SCML2: variants seen among roughly 807,000 people sequenced by gnomAD.
SCML2 encodes the protein sex comb on midleg-like protein 2.
SCML2 carries 6 observed loss-of-function variants against 48.4 expected under a neutral mutation model. The observed-to-expected ratio is 0.12, with a 90% CI of 0.07 to 0.24. SCML2 has a LOEUF of 0.24. Among genes scored for constraint, SCML2 ranks in the 10% least tolerant of loss-of-function variants. SCML2 has a pLI of 1.00. For missense variants in SCML2, 377 were observed against 528.2 expected (o/e 0.71, Z 2.81); for synonymous variants, 181 against 189.5 (o/e 0.95, Z 0.37).
At chrX:18,242,394 T>G (rs758283304) in intron 14 of SCML2, 45 bp downstream of exon 14, 73 of 1,150,066 alleles carry the variant, frequency 6.3e-5, no homozygotes, top group Non-Finnish European at 8.3e-5. Flanking sequence ...ACAGAGGTCA[T>G]TCAAAGGCAT....
intron 11 of SCML2, among the ~76,000 whole-genome samples, chrX:18,249,686 C>T (rs1347260562): frequency 1.8e-5 from 2 of 111,236 alleles, no homozygotes; most frequent in Non-Finnish European, 3.8e-5. Flanking sequence ...CAAACATATT[C>T]CTGGGAATCT....
Position 18,276,444 on chromosome X carries a change from A to G in SCML2, c.731-10642T>C, listed in dbSNP as rs753479759. 1.3e-3 allele frequency among the ~76,000 whole-genome samples: 142 copies of G among 112,077 alleles called. 1 individual carries two copies. The highest frequency in any genetic ancestry group is 4.5e-3 in the African/African-American group (139 of 30,888). On this transcript the variant is annotated intron_variant, in intron 7 of 14. Coordinates refer to ENST00000251900, the MANE Select transcript of SCML2 (RefSeq NM_006089.3). ...GAGTGGAATTGGTAGCTCATATGGTAGTAGTGCTGCTATGAACATGGGTGT... is the reference window on the plus strand; with the variant it reads ...GAGTGGAATTGGTAGCTCATATGGTGGTAGTGCTGCTATGAACATGGGTGT...
At chrX:18,274,737 C>T (rs1927572412) in intron 7 of SCML2, among the ~76,000 whole-genome samples, 1 of 111,658 alleles carries the variant, frequency 9.0e-6, no homozygotes, top group African/African-American at 3.3e-5. Context: ...CACTCCCAAC[C>T]ATCGGAATGG....
intron 7 of SCML2, among the ~76,000 whole-genome samples, chrX:18,280,892 C>T (rs1927810534): frequency 1.0e-5 from 1 of 99,308 alleles, no homozygotes; most frequent in Admixed American, 1.1e-4. Flanking sequence ...CTCAGACAAC[C>T]ACACAATAAT....
chrX:18,343,809 C>T (rs1373498585), intron 1 of SCML2, among the ~76,000 whole-genome samples: 2 of 101,541 alleles, frequency 2.0e-5, no homozygotes, highest in African/African-American at 3.6e-5. Context: ...AAACCTGGGC[C>T]GGATTACAAT....
At chrX:18,254,011 A>G (rs1305188916) in intron 11 of SCML2, among the ~76,000 whole-genome samples, 1 of 111,831 alleles carries the variant, frequency 8.9e-6, no homozygotes, top group African/African-American at 3.2e-5. Flanking sequence ...AGTGAGGGGT[A>G]GTAGTGGATT....
intron 13 of SCML2, among the ~76,000 whole-genome samples, chrX:18,243,338 G>C (rs191366536): frequency 8.9e-5 from 10 of 111,930 alleles, no homozygotes; most frequent in Admixed American, 2.9e-4. Flanking sequence ...CCCCCAAAGT[G>C]CTGGAATTAC....
intron 1 of SCML2, among the ~76,000 whole-genome samples, chrX:18,337,560 A>G (rs188870853): frequency 1.8e-5 from 2 of 110,637 alleles, no homozygotes; most frequent in Admixed American, 2.0e-4. Context: ...CAATACTCAA[A>G]AAAGATATGA....
chrX:18,337,530 T>C (rs958067555), intron 1 of SCML2, among the ~76,000 whole-genome samples: 3 of 110,300 alleles, frequency 2.7e-5, no homozygotes, highest in East Asian at 2.8e-4. Context: ...AAGCCGGGCA[T>C]TACATAATGA....
intron 1 of SCML2, among the ~76,000 whole-genome samples, chrX:18,336,937 T>C (rs969823960): frequency 3.7e-5 from 4 of 109,476 alleles, no homozygotes; most frequent in Non-Finnish European, 5.7e-5. Flanking sequence ...GGGCAGAAAA[T>C]GTAGAAAACA....
chrX:18,292,477 T>C (rs936973850), intron 7 of SCML2, among the ~76,000 whole-genome samples: 4 of 111,240 alleles, frequency 3.6e-5, no homozygotes, highest in African/African-American at 1.3e-4. Flanking sequence ...TAAATTTCAA[T>C]TTATAGAGAT....
Position 18,258,199 on chromosome X carries a change from G to A in SCML2, c.1118C>T (p.Pro373Leu), listed in dbSNP as rs1445053255. The A allele has an allele frequency of 8.3e-7, 1 of 1,209,572 alleles. No homozygotes were observed. Among genetic ancestry groups the A allele is most frequent in the African/African-American group, 1.8e-5 (1 of 57,102 alleles). ...GTCAGGCAGCTGCTGGATTCTCTTG[G>A]GATCCAGATGAGGGCCAAAGTTTCC... is the stretch of plus-strand genomic sequence containing the variant. ...KHGNFGPHLD[P>L]KRIQQLPDHF... Residue 373 changes from proline to leucine, a missense_variant, in exon 10 of 15, where the codon CCC becomes CTC. Transcript: ENST00000251900.
intron 6 of SCML2, 55 bp from the exon 7 acceptor site, chrX:18,305,270 A>C (rs1928722277): frequency 1.8e-6 from 2 of 1,093,298 alleles, no homozygotes; most frequent in Non-Finnish European, 2.4e-6. Context: ...ATTAAGACTC[A>C]TGTGCTCGAA....
intron 7 of SCML2, among the ~76,000 whole-genome samples, chrX:18,281,776 C>G (rs919430875): frequency 9.4e-6 from 1 of 106,857 alleles, no homozygotes; most frequent in Non-Finnish European, 1.9e-5. Flanking sequence ...AAAAAACCAA[C>G]CCCCAAAGCT....
At chrX:18,339,949 T>A (rs772735353) in intron 1 of SCML2, among the ~76,000 whole-genome samples, 7 of 111,912 alleles carry the variant, frequency 6.3e-5, no homozygotes, top group Admixed American at 2.9e-4. Context: ...CTTCAAATTT[T>A]AAAAAATCAT....
At chrX:18,326,149 G>A (rs1350137543) in intron 3 of SCML2, among the ~76,000 whole-genome samples, 2 of 112,277 alleles carry the variant, frequency 1.8e-5, no homozygotes, top group East Asian at 2.8e-4. Flanking sequence ...CTCCCAAGCC[G>A]GTGTGAGCCA....
chrX:18,320,297 A>G lies in SCML2; in HGVS notation c.486+35T>C, dbSNP rs1426018276. On this transcript the variant is annotated intron_variant, in intron 6 of 14. Coordinates refer to ENST00000251900, the MANE Select transcript of SCML2 (RefSeq NM_006089.3). Reference sequence around the variant, plus strand: ...ATTTAAGCATTCCCACTAAAACAATAAAAACATGGCAGCTTTTTATAACAT... The same window carrying G: ...ATTTAAGCATTCCCACTAAAACAATGAAAACATGGCAGCTTTTTATAACAT... The G allele has an allele frequency of 5.5e-6, 5 of 901,092 alleles. No homozygotes were observed. The African/African-American group carries it at 5.9e-5, about 11-fold the overall frequency. 74.3% of individuals were successfully genotyped at this position (901,092 alleles called of 1,213,427 possible).
chrX:18,268,729 G>T (rs1423908207), intron 7 of SCML2, among the ~76,000 whole-genome samples: 2 of 107,052 alleles, frequency 1.9e-5, no homozygotes, highest in Non-Finnish European at 3.9e-5. Context: ...TAACTAACCT[G>T]CACACTGTGC....
Position 18,352,540 on chromosome X carries a change from C to T in SCML2, c.-25+2052G>A, listed in dbSNP as rs773521564. The stretch of plus-strand genomic sequence containing the variant: ...CCTTTGAATGAAAGGAATACTTGTT[C>T]TACATTCGTATTGATTTTTTTAGCT... On this transcript the variant is annotated intron_variant, in intron 1 of 14. Coordinates refer to ENST00000251900, the MANE Select transcript of SCML2 (RefSeq NM_006089.3). Among the ~76,000 whole-genome samples the T allele has an allele frequency of 5.4e-5, 6 of 112,095 alleles. No homozygotes were observed. In the East Asian group the frequency reaches 1.4e-3, roughly 26 times the overall value.
Sources: gnomAD v4.1 joint callset for allele counts (sites outside exome capture counted in the v4.1 genomes callset) on GRCh38, gnomAD v4.1.1 for gene constraint, MANE v1.5 for transcripts, NCBI Gene and HGNC (gene_info 2026-07-23, HGNC 2026-07-21) for gene names.